Variants in SLC25A32 observed in about 807,000 individuals in gnomAD.
The protein encoded by SLC25A32 is solute carrier family 25 member 32, also known as Glycine auxotroph B, complementation of hamster.
A neutral mutation model predicts 39.0 loss-of-function variants in SLC25A32; 32 were observed. The ratio of observed to expected loss-of-function variants is 0.82; its 90% confidence interval spans 0.62 to 1.10. SLC25A32 has a LOEUF of 1.10. Among genes scored for constraint, SLC25A32 ranks in the 50% least tolerant of loss-of-function variants. The pLI is 0.00. For missense variants in SLC25A32, 367 were observed against 395.3 expected (o/e 0.93, Z 0.61); for synonymous variants, 166 against 152.4 (o/e 1.09, Z -0.66).
In SLC25A32 at chr8:103,400,239, C is replaced by G; in HGVS notation, c.*172G>C. The G allele has an allele frequency of 1.7e-6, 1 of 574,162 alleles. No individual in the cohort carries two copies. The highest frequency in any genetic ancestry group is 3.2e-5 in the East Asian group (1 of 30,776). 35.6% of individuals were successfully genotyped at this position (574,162 alleles called of 1,614,324 possible). A position where few individuals can be genotyped will look rare whatever the true frequency, so the allele number is the denominator to read the frequency against. On this transcript the variant is annotated 3_prime_UTR_variant, in exon 7 of 7. Coordinates refer to ENST00000297578, the MANE Select transcript of SLC25A32 (RefSeq NM_030780.5). ...CCAAGTTCCATATATATGGGGAAGG[C>G]AAAAAGCAAGAAAAACATTGCAGGA...
At chr8:103,404,080 G>T (rs894984955) in intron 3 of SLC25A32, among the ~76,000 whole-genome samples, 1 of 152,038 alleles carries the variant, frequency 6.6e-6, no homozygotes, top group Non-Finnish European at 1.5e-5. Flanking sequence ...AAAGACTTAC[G>T]GCTCTTACTG....
chr8:103,412,331 T>A (rs903778422), intron 1 of SLC25A32, among the ~76,000 whole-genome samples: 5 of 152,226 alleles, frequency 3.3e-5, no homozygotes, highest in African/African-American at 1.2e-4. Flanking sequence ...AACTTGCAGA[T>A]TAGGCTTTTG....
At chr8:103,410,579 T>C (rs999383979) in intron 1 of SLC25A32, among the ~76,000 whole-genome samples, 15 of 152,164 alleles carry the variant, frequency 9.9e-5, no homozygotes, top group Non-Finnish European at 1.3e-4. Context: ...CCCCCGTTCA[T>C]GGAAAAATTG....
chr8:103,404,830 CTTCT>C lies in SLC25A32; in HGVS notation c.333_336del (p.Gly113GlufsTer5), dbSNP rs1273661443. On this transcript the variant is annotated frameshift_variant, in exon 3 of 7. Coordinates refer to ENST00000297578, the MANE Select transcript of SLC25A32 (RefSeq NM_030780.5). LOFTEE classifies it high-confidence loss of function. ...GTTGCCTCTAAACGTTCAGCTCTTC[CTTCT>C]GTTTTATATGACTTGATGGCATTGT... 1.2e-6 allele frequency: 2 copies of C among 1,612,890 alleles called. No homozygotes were observed. Among genetic ancestry groups the C allele is most frequent in the Non-Finnish European group, 1.7e-6 (2 of 1,179,190 alleles).
chr8:103,412,234 T>C (rs546194000), intron 1 of SLC25A32, among the ~76,000 whole-genome samples: 2 of 152,376 alleles, frequency 1.3e-5, no homozygotes, highest in African/African-American at 4.8e-5. Flanking sequence ...TCGGCACTAC[T>C]GTTACTGAAT....
At chr8:103,403,079 A>T in intron 4 of SLC25A32, 85 bp downstream of exon 4, 1 of 926,712 alleles carries the variant, frequency 1.1e-6, no homozygotes, top group Non-Finnish European at 1.6e-6. Flanking sequence ...TTTAGGACTT[A>T]CTATAGGTCA....
intron 1 of SLC25A32, among the ~76,000 whole-genome samples, chr8:103,412,225 C>T (rs572179324): frequency 3.3e-5 from 5 of 152,304 alleles, no homozygotes; most frequent in South Asian, 2.1e-4. Context: ...CAACTTTACT[C>T]GGCACTACTG....
chr8:103,399,191 T>A lies in SLC25A32; in HGVS notation c.*1220A>T, dbSNP rs1427340263. 3 of 152,232 alleles carry A rather than the reference T, an allele frequency of 2.0e-5. No homozygotes were observed. The highest frequency in any genetic ancestry group is 4.4e-5 in the Non-Finnish European group (3 of 68,040). 9.4% of individuals were successfully genotyped at this position (152,232 alleles called of 1,614,324 possible). A position where few individuals can be genotyped will look rare whatever the true frequency, so the allele number is the denominator to read the frequency against. ...ATGAAGATTAATCATTTATTTGGGA[T>A]CTAGATCCATATATCTGAAAACTGA... On this transcript the variant is annotated 3_prime_UTR_variant, in exon 7 of 7. Transcript: ENST00000297578.
At chr8:103,407,069 C>T (rs564091761) in intron 2 of SLC25A32, among the ~76,000 whole-genome samples, 8 of 152,148 alleles carry the variant, frequency 5.3e-5, no homozygotes, top group East Asian at 3.9e-4. Context: ...AATAACAAAC[C>T]GACTGATTCA....
At chr8:103,402,145 G>C (rs1158235706) in intron 4 of SLC25A32, 91 bp from the exon 5 acceptor site, 1 of 746,106 alleles carries the variant, frequency 1.3e-6, no homozygotes, top group African/African-American at 1.8e-5. Flanking sequence ...TCTCATTACA[G>C]CACTTTAAGC....
chr8:103,401,732 A>G (rs1816223204), intron 5 of SLC25A32, 71 bp from the exon 6 acceptor site: 8 of 1,345,330 alleles, frequency 5.9e-6, no homozygotes, highest in East Asian at 2.4e-5. Context: ...TAAAAATTAT[A>G]TACAAAAAAC....
chr8:103,401,624 T>C lies in SLC25A32; in HGVS notation c.704A>G (p.Lys235Arg), dbSNP rs1816220699. ...GTATGTTGCTGCGACAGCAAATATT[T>C]TGGATAGTGCTGCAACAGATATATA... ...VEYISVAALS[K>R]IFAVAATYPY... The change falls in exon 6 of 7, where the codon AAA becomes AGA. Residue 235 changes from lysine (K) to arginine (R), a missense_variant. Transcript: ENST00000297578. 3.7e-6 allele frequency: 6 copies of C among 1,613,406 alleles called. No homozygotes were observed. The highest frequency in any genetic ancestry group is 4.2e-6 in the Non-Finnish European group (5 of 1,179,692).
At chr8:103,402,146 C>T in intron 4 of SLC25A32, 92 bp from the exon 5 acceptor site, 1 of 750,258 alleles carries the variant, frequency 1.3e-6, no homozygotes, top group Non-Finnish European at 2.1e-6. Context: ...CTCATTACAG[C>T]ACTTTAAGCA....
Position 103,401,598 on chromosome 8 carries a change from G to C in SLC25A32, c.730C>G (p.Pro244Ala), listed in dbSNP as rs1365829123. The change falls in exon 6 of 7, where the codon CCA becomes GCA. Residue 244 changes from proline to alanine, a missense_variant. By Grantham distance (27) the Pro-to-Ala change is conservative (BLOSUM62 -1). Coordinates refer to ENST00000297578, the MANE Select transcript of SLC25A32 (RefSeq NM_030780.5). ...SKIFAVAATY[P>A]YQVVRARLQD... ...AGACGAGCTCTTACGACTTGATATG[G>C]GTATGTTGCTGCGACAGCAAATATT... The C allele has an allele frequency of 6.2e-7, 1 of 1,613,396 alleles. No homozygotes were observed. The highest frequency in any genetic ancestry group is 1.7e-5 in the Admixed American group (1 of 59,944).
chr8:103,404,978 C>T, intron 2 of SLC25A32, 117 bp from the exon 3 acceptor site: 1 of 534,390 alleles, frequency 1.9e-6, no homozygotes, highest in Non-Finnish European at 3.2e-6. Context: ...AATGCAACCA[C>T]AAAATGAGAC....
At position 103,414,777 on chromosome 8, in the gene SLC25A32, C is replaced by T. The variant is rs762711361; in HGVS notation, c.154+7G>A. On this transcript the variant is annotated splice_region_variant and intron_variant, in intron 1 of 6. Transcript: ENST00000297578. ...GGATGCAGCCCGGTGTCTGGGCGGG[C>T]TCTTACCGGCGAAGCGGATCTTCAC... is the stretch of plus-strand genomic sequence containing the variant. 8 of 1,613,540 alleles carry T rather than the reference C, an allele frequency of 5.0e-6. No homozygotes were observed. Among genetic ancestry groups the T allele is most frequent in the South Asian group, 1.1e-5 (1 of 91,084 alleles).
At chr8:103,411,960 T>C (rs1816475692) in intron 1 of SLC25A32, among the ~76,000 whole-genome samples, 1 of 152,252 alleles carries the variant, frequency 6.6e-6, no homozygotes, top group African/African-American at 2.4e-5. Flanking sequence ...CAGCATATGT[T>C]ACGGAAACAG....
chr8:103,414,796 T>C lies in SLC25A32; in HGVS notation c.142A>G (p.Ile48Val), dbSNP rs765817450. The C allele has an allele frequency of 1.2e-6, 2 of 1,613,722 alleles. No individual in the cohort carries two copies. Among genetic ancestry groups the C allele is most frequent in the Non-Finnish European group, 1.7e-6 (2 of 1,180,020 alleles). Reference sequence around the variant, plus strand: ...GGCGGGCTCTTACCGGCGAAGCGGATCTTCACGAGGTCGAGCGGATGCAGC... The same window carrying C: ...GGCGGGCTCTTACCGGCGAAGCGGACCTTCACGAGGTCGAGCGGATGCAGC... Reference protein sequence around the residue: ...LALHPLDLVKIRFAVSDGLEL... With the variant: ...LALHPLDLVKVRFAVSDGLEL... The change falls in exon 1 of 7, where the codon ATC (isoleucine) becomes GTC (valine). Residue 48 changes from isoleucine (I) to valine (V), a missense_variant. Physicochemically the swap from Ile to Val is conservative, Grantham distance 29. Coordinates refer to ENST00000297578, the MANE Select transcript of SLC25A32 (RefSeq NM_030780.5).
intron 1 of SLC25A32, among the ~76,000 whole-genome samples, chr8:103,411,062 G>A (rs1354172692): frequency 6.6e-6 from 1 of 152,090 alleles, no homozygotes; most frequent in Non-Finnish European, 1.5e-5. Flanking sequence ...TTTAAAACCA[G>A]ACTGGAATTG....
Sources: allele counts gnomAD v4.1 joint callset (sites outside exome capture counted in the v4.1 genomes callset), GRCh38; gene constraint gnomAD v4.1.1; transcripts MANE v1.5; gene names NCBI Gene and HGNC (gene_info 2026-07-23, HGNC 2026-07-21).